CENPW: variants seen among roughly 807,000 people sequenced by gnomAD.
The protein encoded by CENPW is cancer-up-regulated gene 2 protein.
Under a neutral mutation model 11.1 loss-of-function variants are expected in CENPW, and 3 were observed. The ratio of observed to expected loss-of-function variants is 0.27; its 90% CI spans 0.12 to 0.70. The LOEUF is 0.70. CENPW is among the 30% of genes least tolerant of loss of function. The probability of loss-of-function intolerance (pLI) is 0.77; values close to 1 mark genes in which losing one functional copy is unlikely to be tolerated. For synonymous variants in CENPW, 38 were observed against 42.0 expected, an observed-to-expected ratio of 0.91 and a Z score of 0.37; for missense variants, 100 against 105.6, an observed-to-expected ratio of 0.95 and a Z score of 0.23.
chr6:126,372,449 C>T, the CENPW span, among the ~76,000 whole-genome samples: 1 of 152,052 alleles, frequency 6.6e-6, no homozygotes. Flanking sequence ...TCTAATAATA[C>T]TTGCGATCTC....
chr6:126,437,902 A>G, the CENPW span, among the ~76,000 whole-genome samples: 3 of 151,778 alleles, frequency 2.0e-5, no homozygotes, highest in Admixed American at 1.3e-4. Context: ...AATTGTCTCT[A>G]TTTAAGCAGC....
At chr6:126,376,293 A>G in the CENPW span, among the ~76,000 whole-genome samples, 1 of 152,176 alleles carries the variant, frequency 6.6e-6, no homozygotes, top group African/African-American at 2.4e-5. Context: ...TCTTCCTAAT[A>G]GTCTTCACAT....
downstream of CENPW, among the ~76,000 whole-genome samples, chr6:126,349,102 A>G (rs1780460789): frequency 6.6e-6 from 1 of 152,070 alleles, no homozygotes; most frequent in Non-Finnish European, 1.5e-5. Context: ...GATTTAATAG[A>G]TAATTTTTCC....
At chr6:126,448,631 C>A in the CENPW span, among the ~76,000 whole-genome samples, 3 of 150,846 alleles carry the variant, frequency 2.0e-5, no homozygotes, top group African/African-American at 7.3e-5. Flanking sequence ...CTACTTAATA[C>A]CTATAAAACC....
chr6:126,389,569 A>G, the CENPW span, among the ~76,000 whole-genome samples: 1 of 151,744 alleles, frequency 6.6e-6, no homozygotes. Context: ...ACACGCGTGC[A>G]CATCCAGTTG....
At chr6:126,353,293 T>C (rs1780512488), downstream of CENPW, among the ~76,000 whole-genome samples, 1 of 151,898 alleles carries the variant, frequency 6.6e-6, no homozygotes, top group Non-Finnish European at 1.5e-5. Flanking sequence ...TTCTTGGTAG[T>C]ACATTTCCTG....
At chr6:126,410,527 G>C in the CENPW span, among the ~76,000 whole-genome samples, 1 of 151,728 alleles carries the variant, frequency 6.6e-6, no homozygotes, top group East Asian at 1.9e-4. Flanking sequence ...CCTGGTTATG[G>C]ATGTCCAAAT....
the CENPW span, among the ~76,000 whole-genome samples, chr6:126,359,824 T>A: frequency 6.6e-6 from 1 of 151,984 alleles, no homozygotes; most frequent in Non-Finnish European, 1.5e-5. Flanking sequence ...CTGTGGGTGT[T>A]GTTACTTGTG....
At chr6:126,453,116 A>C in the CENPW span, among the ~76,000 whole-genome samples, 1 of 151,202 alleles carries the variant, frequency 6.6e-6, no homozygotes, top group African/African-American at 2.4e-5. Context: ...GAGAGAAAGC[A>C]AGCAACTTGG....
At chr6:126,394,638 T>C in the CENPW span, among the ~76,000 whole-genome samples, 1 of 152,154 alleles carries the variant, frequency 6.6e-6, no homozygotes, top group African/African-American at 2.4e-5. Flanking sequence ...TTTTGTACCT[T>C]CACATAATTT....
chr6:126,479,881 CTT>C, the CENPW span, among the ~76,000 whole-genome samples: 3 of 151,606 alleles, frequency 2.0e-5, no homozygotes, highest in African/African-American at 7.3e-5. Context: ...TGCTTTTACT[CTT>C]TTTTTTCTTA....
the CENPW span, among the ~76,000 whole-genome samples, chr6:126,462,526 TCTCTCTCA>T: frequency 1.3e-5 from 2 of 148,298 alleles, no homozygotes; most frequent in African/African-American, 5.0e-5. Context: ...TCTCTCTCTC[TCTCTCTCA>T]CACACACACA....
chr6:126,395,252 A>AT, the CENPW span, among the ~76,000 whole-genome samples: 6 of 151,874 alleles, frequency 4.0e-5, no homozygotes, highest in Non-Finnish European at 1.5e-5. Context: ...CTAATCGTGT[A>AT]TTTTTGAATA....
chr6:126,460,707 A>T, the CENPW span, among the ~76,000 whole-genome samples: 1 of 151,788 alleles, frequency 6.6e-6, no homozygotes, highest in East Asian at 1.9e-4. Flanking sequence ...CTCAGTATAG[A>T]ACCTGGCTCA....
chr6:126,341,750 T>C (rs1338033147), intron 1 of CENPW, among the ~76,000 whole-genome samples: 1 of 152,180 alleles, frequency 6.6e-6, no homozygotes, highest in Non-Finnish European at 1.5e-5. Flanking sequence ...GGCTTCTAAA[T>C]GGAGGGAGAG....
chr6:126,454,778 T>C, the CENPW span, among the ~76,000 whole-genome samples: 5 of 150,920 alleles, frequency 3.3e-5, no homozygotes, highest in Non-Finnish European at 5.9e-5. Context: ...GTTCAATGAA[T>C]CCATGAGTTG....
chr6:126,340,345 A>G lies in CENPW; in HGVS notation c.72A>G (p.Arg24=), dbSNP rs773350989. The change falls in exon 1 of 3, where the codon CGA becomes CGG. Residue 24 remains arginine (R), a synonymous_variant. Coordinates refer to ENST00000368328, the MANE Select transcript of CENPW (RefSeq NM_001012507.4). ...AGGCTCCCCGTGGCTTTCTAAAGCG[A>G]GTCTTCAAGCGAAAGAAGCCTCAAC... ...KRKAPRGFLK[R]VFKRKKPQLR... 11 of 1,614,048 alleles carry G rather than the reference A, an allele frequency of 6.8e-6. No individual in the cohort carries two copies. In the East Asian group the frequency reaches 2.5e-4, roughly 36 times the overall value.
chr6:126,478,122 C>T, the CENPW span, among the ~76,000 whole-genome samples: 1 of 151,928 alleles, frequency 6.6e-6, no homozygotes, highest in Non-Finnish European at 1.5e-5. Context: ...ACATTTTATA[C>T]AGGATTTCTT....
the CENPW span, among the ~76,000 whole-genome samples, chr6:126,462,801 G>T: frequency 6.6e-6 from 1 of 151,916 alleles, no homozygotes; most frequent in Non-Finnish European, 1.5e-5. Flanking sequence ...CAGCTATGTG[G>T]CAGACTTGAA....
Sources: allele counts gnomAD v4.1 joint callset (sites outside exome capture counted in the v4.1 genomes callset), GRCh38; gene constraint gnomAD v4.1.1; transcripts MANE v1.5; gene names NCBI Gene and HGNC (gene_info 2026-07-23, HGNC 2026-07-21).